Variants in AGBL4 observed in about 807,000 individuals in gnomAD.
The protein encoded by AGBL4 is AGBL carboxypeptidase 4, also known as cytosolic carboxypeptidase 6.
In AGBL4, 58 loss-of-function variants were observed where a neutral mutation model predicts 66.4. The observed-to-expected ratio is 0.87, with a 90% CI of 0.71 to 1.09. AGBL4 has a LOEUF of 1.09. AGBL4 is among the 50% of genes least tolerant of loss of function. The probability of loss-of-function intolerance (pLI) is 0.00; values close to 1 mark genes in which losing one functional copy is unlikely to be tolerated. For missense variants in AGBL4, 579 were observed against 631.0 expected, an observed-to-expected ratio of 0.92 and a Z score of 0.88; for synonymous variants, 234 against 222.9, an observed-to-expected ratio of 1.05 and a Z score of -0.44.
At chr1:48,541,585 A>G (rs1457927437) in intron 11 of AGBL4, among the ~76,000 whole-genome samples, 1 of 152,204 alleles carries the variant, frequency 6.6e-6, no homozygotes, top group African/African-American at 2.4e-5. Flanking sequence ...CAGCTTGACC[A>G]ACATGATGAA....
At chr1:49,333,808 G>C (rs186925879) in intron 3 of AGBL4, among the ~76,000 whole-genome samples, 1 of 152,154 alleles carries the variant, frequency 6.6e-6, no homozygotes, top group African/African-American at 2.4e-5. Flanking sequence ...TCCTTGTTCA[G>C]TTTGGCCATG....
At chr1:49,123,076 A>C (rs1645691936) in intron 4 of AGBL4, among the ~76,000 whole-genome samples, 1 of 152,112 alleles carries the variant, frequency 6.6e-6, no homozygotes, top group South Asian at 2.1e-4. Context: ...GCTGGTCTCA[A>C]ACTCCTGACC....
chr1:49,220,469 A>G (rs1649410453), intron 4 of AGBL4, among the ~76,000 whole-genome samples: 1 of 152,166 alleles, frequency 6.6e-6, no homozygotes, highest in South Asian at 2.1e-4. Context: ...TGTCTTTAAA[A>G]ATTATAGAAA....
At chr1:49,566,417 A>G (rs1467021667) in intron 3 of AGBL4, among the ~76,000 whole-genome samples, 1 of 151,720 alleles carries the variant, frequency 6.6e-6, no homozygotes, top group Admixed American at 6.6e-5. Context: ...TTTTTTCCCC[A>G]TCTTTGTGGT....
intron 4 of AGBL4, among the ~76,000 whole-genome samples, chr1:49,194,492 G>A (rs1370748413): frequency 6.6e-6 from 1 of 152,076 alleles, no homozygotes; most frequent in Non-Finnish European, 1.5e-5. Flanking sequence ...TTTTTAAGTG[G>A]ATGATTTAAT....
intron 4 of AGBL4, among the ~76,000 whole-genome samples, chr1:49,080,584 G>A (rs1224697201): frequency 6.6e-6 from 1 of 152,154 alleles, no homozygotes; most frequent in African/African-American, 2.4e-5. Context: ...ATACAGGTCA[G>A]CCTTGGGGCA....
chr1:49,379,465 A>G (rs184678739), intron 3 of AGBL4, among the ~76,000 whole-genome samples: 294 of 152,156 alleles, frequency 1.9e-3, no homozygotes, highest in Non-Finnish European at 3.5e-3. Flanking sequence ...ACATCAGCAC[A>G]TACCCATTTT....
intron 4 of AGBL4, among the ~76,000 whole-genome samples, chr1:49,091,148 G>A (rs1644996316): frequency 6.6e-6 from 1 of 151,932 alleles, no homozygotes; most frequent in African/African-American, 2.4e-5. Context: ...AGACAACCTA[G>A]GAAATATCAT....
chr1:49,586,197 T>C (rs1290052926), intron 3 of AGBL4, among the ~76,000 whole-genome samples: 2 of 152,158 alleles, frequency 1.3e-5, no homozygotes, highest in East Asian at 1.9e-4. Flanking sequence ...ATCCCCATTT[T>C]ATACTTGGAA....
At chr1:48,856,098 T>G in intron 6 of AGBL4, among the ~76,000 whole-genome samples, 1 of 152,200 alleles carries the variant, frequency 6.6e-6, no homozygotes, top group East Asian at 1.9e-4. Context: ...GTAAATGTGC[T>G]AAAATATTAA....
intron 6 of AGBL4, among the ~76,000 whole-genome samples, chr1:48,786,264 C>T (rs1476363901): frequency 6.6e-6 from 1 of 152,182 alleles, no homozygotes; most frequent in Non-Finnish European, 1.5e-5. Context: ...TTCTTTTAAT[C>T]TTTTCAAAAT....
intron 3 of AGBL4, among the ~76,000 whole-genome samples, chr1:49,596,219 T>C (rs1644850032): frequency 1.3e-5 from 2 of 152,124 alleles, no homozygotes; most frequent in Admixed American, 1.3e-4. Context: ...CAGGCTGGAG[T>C]GCAAGTGGCG....
chr1:49,032,191 G>T (rs1263425292), intron 5 of AGBL4, among the ~76,000 whole-genome samples: 2 of 152,162 alleles, frequency 1.3e-5, no homozygotes, highest in Non-Finnish European at 2.9e-5. Context: ...GAATCAGGCA[G>T]AGACCAGATG....
chr1:49,253,193 A>T (rs1003648169), intron 3 of AGBL4, among the ~76,000 whole-genome samples: 1 of 152,326 alleles, frequency 6.6e-6, no homozygotes, highest in Middle Eastern at 3.4e-3. Context: ...ATAGGCTCAA[A>T]ATAAAGAAAT....
At chr1:48,952,598 A>G (rs566272097) in intron 5 of AGBL4, among the ~76,000 whole-genome samples, 5 of 152,230 alleles carry the variant, frequency 3.3e-5, no homozygotes, top group Non-Finnish European at 7.3e-5. Context: ...TGCAGAGAAA[A>G]TGAGATGCTG....
intron 4 of AGBL4, among the ~76,000 whole-genome samples, chr1:49,148,358 A>G (rs1426348278): frequency 6.6e-6 from 1 of 152,058 alleles, no homozygotes; most frequent in East Asian, 1.9e-4. Flanking sequence ...AAACAGTGGG[A>G]ATTGCATGTT....
At chr1:48,731,175 C>T (rs1461269436) in intron 6 of AGBL4, among the ~76,000 whole-genome samples, 1 of 151,958 alleles carries the variant, frequency 6.6e-6, no homozygotes, top group Non-Finnish European at 1.5e-5. Flanking sequence ...ATGGGAAGAA[C>T]CAACCAAATG....
chr1:49,549,503 A>T (rs1652785439), intron 3 of AGBL4, among the ~76,000 whole-genome samples: 1 of 152,092 alleles, frequency 6.6e-6, no homozygotes, highest in African/African-American at 2.4e-5. Context: ...CAGTTTGAAG[A>T]ATTTCTTAAT....
intron 4 of AGBL4, among the ~76,000 whole-genome samples, chr1:49,115,473 C>A (rs957218491): frequency 3.9e-5 from 6 of 152,084 alleles, no homozygotes; most frequent in African/African-American, 1.4e-4. Flanking sequence ...AATCTTAAAA[C>A]TTGTAGATAG....
Sources: allele counts gnomAD v4.1 joint callset (sites outside exome capture counted in the v4.1 genomes callset), GRCh38; gene constraint gnomAD v4.1.1; transcripts MANE v1.5; gene names NCBI Gene and HGNC (gene_info 2026-07-23, HGNC 2026-07-21).